Variants in PRKG1 observed in about 807,000 individuals in gnomAD.
The protein encoded by PRKG1 is cGMP-dependent protein kinase 1.
PRKG1 carries 35 observed loss-of-function variants against 88.1 expected under a neutral mutation model. The ratio of observed to expected loss-of-function variants is 0.40; its 90% CI spans 0.30 to 0.53. PRKG1 has a LOEUF of 0.53. Among genes scored for constraint, PRKG1 ranks in the 20% least tolerant of loss-of-function variants. PRKG1 has a pLI of 0.59. For missense variants in PRKG1, 540 were observed against 839.8 expected (o/e 0.64, Z 4.41); for synonymous variants, 303 against 292.5 (o/e 1.04, Z -0.37).
At chr10:51,174,365 A>T (rs9414857) in intron 2 of PRKG1, among the ~76,000 whole-genome samples, 9,968 of 151,966 alleles carry the variant, frequency 0.066, 679 homozygotes, top group African/African-American at 0.17. Context: ...TTTATAAATA[A>T]ATACTAAATT....
At chr10:52,172,448 T>C (rs961347650) in intron 9 of PRKG1, among the ~76,000 whole-genome samples, 4 of 152,236 alleles carry the variant, frequency 2.6e-5, no homozygotes, top group Non-Finnish European at 5.9e-5. Flanking sequence ...TGGTCCTGTA[T>C]GGCAATTACC....
intron 8 of PRKG1, among the ~76,000 whole-genome samples, chr10:52,157,567 A>T (rs2132680720): frequency 6.6e-6 from 1 of 151,400 alleles, no homozygotes; most frequent in Non-Finnish European, 1.5e-5. Context: ...TGCCTTAATA[A>T]TGAAAACATT....
intron 3 of PRKG1, among the ~76,000 whole-genome samples, chr10:51,755,073 T>C (rs2132516156): frequency 6.6e-6 from 1 of 152,206 alleles, no homozygotes; most frequent in East Asian, 1.9e-4. Flanking sequence ...CTACTTTCTC[T>C]CATTTTTTAA....
intron 5 of PRKG1, among the ~76,000 whole-genome samples, chr10:51,949,468 AT>A (rs1843133898): frequency 6.6e-6 from 1 of 151,226 alleles, no homozygotes; most frequent in African/African-American, 2.4e-5. Flanking sequence ...AAATATATAT[AT>A]ATATAAATAA....
At chr10:51,803,130 T>C (rs963715644) in intron 3 of PRKG1, among the ~76,000 whole-genome samples, 9 of 152,098 alleles carry the variant, frequency 5.9e-5, no homozygotes, top group African/African-American at 2.2e-4. Flanking sequence ...CCAGTCTTAC[T>C]GTTTGTCTCA....
At chr10:51,905,996 T>C (rs148033956) in intron 4 of PRKG1, among the ~76,000 whole-genome samples, 59 of 152,242 alleles carry the variant, frequency 3.9e-4, no homozygotes, top group African/African-American at 1.4e-3. Context: ...CTAATTACAC[T>C]TGTAGTACGA....
intron 3 of PRKG1, among the ~76,000 whole-genome samples, chr10:51,558,417 A>C (rs937306710): frequency 4.6e-5 from 7 of 152,114 alleles, no homozygotes; most frequent in African/African-American, 1.7e-4. Flanking sequence ...TGGTTAAAAA[A>C]AATTAATTTA....
rs540231291 is a variant in PRKG1, at chr10:51,444,247, T to C, written c.479-23476T>C. On this transcript the variant is annotated intron_variant, in intron 2 of 17. Coordinates refer to ENST00000373980, the MANE Select transcript of PRKG1 (RefSeq NM_006258.4). Reference sequence around the variant, plus strand: ...GTGAGGGCATTTGCATGGAGGACTCTGGAAAGAAAAGCCAACAGAGAATTG... The same window carrying C: ...GTGAGGGCATTTGCATGGAGGACTCCGGAAAGAAAAGCCAACAGAGAATTG... 2.5e-4 allele frequency among the ~76,000 whole-genome samples: 38 copies of C among 151,610 alleles called. No individual in the cohort carries two copies. In the South Asian group the frequency reaches 7.9e-3, roughly 32 times the overall value.
At chr10:51,693,147 G>A (rs778679130) in intron 3 of PRKG1, among the ~76,000 whole-genome samples, 159 of 151,906 alleles carry the variant, frequency 1.0e-3, no homozygotes, top group Non-Finnish European at 1.8e-3. Flanking sequence ...AATCAGCCAG[G>A]TATGGTAGCA....
intron 3 of PRKG1, chr10:51,695,780 GCAAA>G (rs1199836734): frequency 2.6e-5 from 4 of 152,120 alleles, no homozygotes; most frequent in Non-Finnish European, 5.9e-5. Context: ...TGAAAACCTT[GCAAA>G]CAAAGAATTA....
intron 5 of PRKG1, among the ~76,000 whole-genome samples, chr10:52,046,102 T>C (rs1004821897): frequency 5.3e-5 from 8 of 152,168 alleles, no homozygotes; most frequent in African/African-American, 1.7e-4. Context: ...AAGTGAACTT[T>C]ACTATTGTGA....
chr10:51,825,502 T>C (rs999838135), intron 4 of PRKG1, among the ~76,000 whole-genome samples: 1 of 152,120 alleles, frequency 6.6e-6, no homozygotes, highest in Non-Finnish European at 1.5e-5. Flanking sequence ...AAGAGCACTG[T>C]AGGCAAAGAC....
chr10:51,097,911 G>C (rs1009450160), intron 1 of PRKG1, among the ~76,000 whole-genome samples: 2 of 150,862 alleles, frequency 1.3e-5, no homozygotes, highest in Non-Finnish European at 2.9e-5. Flanking sequence ...TAGGTCTTGG[G>C]CTAGCTTTTC....
At chr10:51,908,734 A>ATTTTTTT (rs34836745) in intron 5 of PRKG1, 1 of 52,222 alleles carries the variant, frequency 1.9e-5, no homozygotes, top group Admixed American at 2.1e-4. Context: ...TCTATATGTA[A>ATTTTTTT]TTTTTTTTTT....
chr10:51,333,017 T>C (rs1328866258), intron 2 of PRKG1, among the ~76,000 whole-genome samples: 2 of 152,202 alleles, frequency 1.3e-5, no homozygotes, highest in African/African-American at 2.4e-5. Context: ...ATGAGGATAC[T>C]GAGGTTCAGG....
chr10:51,526,390 G>C (rs1049825145), intron 3 of PRKG1, among the ~76,000 whole-genome samples: 1 of 152,108 alleles, frequency 6.6e-6, no homozygotes, highest in Non-Finnish European at 1.5e-5. Context: ...GCCATTAAAA[G>C]CAGCGCTAAA....
At chr10:51,886,429 A>G (rs1841570751) in intron 4 of PRKG1, among the ~76,000 whole-genome samples, 1 of 152,224 alleles carries the variant, frequency 6.6e-6, no homozygotes, top group Admixed American at 6.5e-5. Context: ...TTTCCCTAGA[A>G]TTAGAACAAC....
chr10:51,160,971 T>C (rs1846345283), intron 2 of PRKG1, among the ~76,000 whole-genome samples: 1 of 152,106 alleles, frequency 6.6e-6, no homozygotes, highest in South Asian at 2.1e-4. Context: ...GCTTAGATTA[T>C]CTTTACATTG....
chr10:51,938,403 T>C (rs755251321), intron 5 of PRKG1, among the ~76,000 whole-genome samples: 1 of 152,014 alleles, frequency 6.6e-6, no homozygotes, highest in Non-Finnish European at 1.5e-5. Flanking sequence ...TCTTGCAATG[T>C]ATCCCCTATG....
Sources: allele counts gnomAD v4.1 joint callset (sites outside exome capture counted in the v4.1 genomes callset), GRCh38; gene constraint gnomAD v4.1.1; transcripts MANE v1.5; gene names NCBI Gene and HGNC (gene_info 2026-07-23, HGNC 2026-07-21).